Variants in TAFA5 observed in about 807,000 individuals in gnomAD.
TAFA5 encodes chemokine-like protein TAFA-5.
TAFA5 carries 6 observed loss-of-function variants against 15.3 expected under a neutral mutation model. That is an observed-to-expected ratio of 0.39 (90% CI 0.21 to 0.77). The LOEUF (loss-of-function observed/expected upper bound fraction) is 0.77, where lower values mean the gene tolerates loss of function less well. Ranked by LOEUF, TAFA5 falls within the 30% of genes least tolerant of loss-of-function variation. TAFA5 has a pLI of 0.41. For synonymous variants in TAFA5, 103 were observed against 80.7 expected (o/e 1.28, Z -1.48); for missense variants, 161 against 193.1 (o/e 0.83, Z 0.98).
At chr22:48,708,787 C>T (rs1389259822) in intron 3 of TAFA5, among the ~76,000 whole-genome samples, 3 of 152,208 alleles carry the variant, frequency 2.0e-5, no homozygotes, top group South Asian at 4.1e-4. Flanking sequence ...CCCTGGCATC[C>T]GAGCCTCCTC....
intron 1 of TAFA5, among the ~76,000 whole-genome samples, chr22:48,612,612 C>T (rs567989639): frequency 6.6e-6 from 1 of 152,062 alleles, no homozygotes; most frequent in Non-Finnish European, 1.5e-5. Context: ...CTGTTCCCCA[C>T]GTGTCTCCCG....
intron 2 of TAFA5, among the ~76,000 whole-genome samples, chr22:48,663,989 C>G: frequency 6.6e-6 from 1 of 152,146 alleles, no homozygotes; most frequent in East Asian, 1.9e-4. Flanking sequence ...GGAAAAAAAT[C>G]ACATGCTGAG....
At chr22:48,635,367 C>T (rs1196218247) in intron 1 of TAFA5, among the ~76,000 whole-genome samples, 1 of 152,032 alleles carries the variant, frequency 6.6e-6, no homozygotes. Context: ...CTAGGGCTTC[C>T]CAGTCTTCTT....
intron 1 of TAFA5, among the ~76,000 whole-genome samples, chr22:48,580,411 C>T (rs550811438): frequency 7.9e-5 from 12 of 152,328 alleles, no homozygotes; most frequent in African/African-American, 2.9e-4. Flanking sequence ...GGATAGAGAA[C>T]TTCTTAGGAG....
In TAFA5 at chr22:48,490,152, G is replaced by A. The variant is rs933385638; in HGVS notation, c.112+448G>A. Among the ~76,000 whole-genome samples the A allele has an allele frequency of 6.6e-6, 1 of 152,144 alleles. No homozygotes were observed. The highest frequency in any genetic ancestry group is 2.1e-4 in the South Asian group (1 of 4,836). On this transcript the variant is annotated intron_variant, in intron 1 of 3. Coordinates refer to ENST00000402357, the MANE Select transcript of TAFA5 (RefSeq NM_001082967.3). The surrounding 1 kb of genome is among the most constrained non-coding windows in gnomAD (Gnocchi z 5.8). ...AAGGGGGGAGGCGGCGGCCGAGCCC[G>A]GAGAGGAGCTCTTCAGGCAGGAGCC...
chr22:48,580,567 C>T (rs1208552680), intron 1 of TAFA5, among the ~76,000 whole-genome samples: 1 of 152,170 alleles, frequency 6.6e-6, no homozygotes, highest in Non-Finnish European at 1.5e-5. Context: ...TGAGGTTTCC[C>T]AGAGCAGCAA....
chr22:48,639,769 A>T (rs976645843), intron 1 of TAFA5, among the ~76,000 whole-genome samples: 2 of 152,058 alleles, frequency 1.3e-5, no homozygotes, highest in African/African-American at 4.8e-5. Flanking sequence ...GAGTGGCTGG[A>T]CTTGGACCTG....
At chr22:48,640,453 T>A (rs1461393998) in intron 1 of TAFA5, among the ~76,000 whole-genome samples, 2 of 152,140 alleles carry the variant, frequency 1.3e-5, no homozygotes, top group Non-Finnish European at 2.9e-5. Context: ...GGCTGGCTTA[T>A]CTCAGCTGTC....
At chr22:48,562,590 G>C (rs564807484) in intron 1 of TAFA5, among the ~76,000 whole-genome samples, 2 of 152,276 alleles carry the variant, frequency 1.3e-5, no homozygotes, top group African/African-American at 4.8e-5. Flanking sequence ...GAGGGAGGGG[G>C]GGAATTTAGC....
intron 2 of TAFA5, among the ~76,000 whole-genome samples, chr22:48,671,291 G>A (rs1044371260): frequency 2.6e-5 from 4 of 152,218 alleles, no homozygotes; most frequent in Non-Finnish European, 2.9e-5. Context: ...AGGGAGCACC[G>A]AACGGAGCCA....
chr22:48,660,729 T>C (rs1033010689), intron 2 of TAFA5, among the ~76,000 whole-genome samples: 5 of 152,180 alleles, frequency 3.3e-5, no homozygotes, highest in Non-Finnish European at 5.9e-5. Context: ...TTACCAGCTG[T>C]GCAACGACAC....
rs1158346420 is a variant in TAFA5, at chr22:48,566,920, G to A, written c.112+77216G>A. On this transcript the variant is annotated intron_variant, in intron 1 of 3. Coordinates refer to ENST00000402357, the MANE Select transcript of TAFA5 (RefSeq NM_001082967.3). This position sits in a 1 kb window ranked among gnomAD's most constrained non-coding sequence, Gnocchi z 4.5. The stretch of plus-strand genomic sequence containing the variant: ...ACGCCTGGGGCCGTCAGTGGGTTGG[G>A]TTTGTCCTTTCTCCTTTGCTCCGCA... Among the ~76,000 whole-genome samples the A allele has an allele frequency of 6.6e-6, 1 of 152,198 alleles. No homozygotes were observed. Among genetic ancestry groups the A allele is most frequent in the Non-Finnish European group, 1.5e-5 (1 of 68,030 alleles).
At chr22:48,533,411 T>A (rs978682535) in intron 1 of TAFA5, among the ~76,000 whole-genome samples, 3 of 152,192 alleles carry the variant, frequency 2.0e-5, no homozygotes, top group Non-Finnish European at 4.4e-5. Flanking sequence ...GGGTGAGGAC[T>A]CCAGGGCAGG....
intron 2 of TAFA5, chr22:48,693,149 C>G (rs907172800): frequency 2.6e-6 from 2 of 767,714 alleles, no homozygotes; most frequent in African/African-American, 1.8e-5. Context: ...GACCTCGAGT[C>G]GAAGCCTCTG....
chr22:48,515,477 G>C (rs1921371949), intron 1 of TAFA5, among the ~76,000 whole-genome samples: 1 of 152,078 alleles, frequency 6.6e-6, no homozygotes, highest in Non-Finnish European at 1.5e-5. Flanking sequence ...CTTGACCTCA[G>C]ACCACAGGGA....
At chr22:48,670,761 A>G (rs1327258179) in intron 2 of TAFA5, among the ~76,000 whole-genome samples, 1 of 152,218 alleles carries the variant, frequency 6.6e-6, no homozygotes, top group Non-Finnish European at 1.5e-5. Context: ...AAGGCGAGAA[A>G]GCACCTCCTC....
chr22:48,553,705 C>A (rs949943553), intron 1 of TAFA5, among the ~76,000 whole-genome samples: 5 of 152,208 alleles, frequency 3.3e-5, no homozygotes, highest in Non-Finnish European at 5.9e-5. Context: ...CCGTCTGCCT[C>A]CCACGGCTCT....
chr22:48,641,658 G>T (rs1228567251), intron 1 of TAFA5, among the ~76,000 whole-genome samples: 2 of 129,518 alleles, frequency 1.5e-5, no homozygotes, highest in Non-Finnish European at 3.2e-5. Flanking sequence ...CCTCACACAC[G>T]ATGCCGTCCC....
At position 48,610,130 on chromosome 22, in the gene TAFA5, AC is replaced by A. The variant is rs367659676; in HGVS notation, c.113-36465del. Reference sequence around the variant, plus strand: ...TGGCTTTGGATGGAGCCCCAAGAGAACCTAAGGTCGGCTCAGCAGGGTCTGA... The same window carrying A: ...TGGCTTTGGATGGAGCCCCAAGAGAACTAAGGTCGGCTCAGCAGGGTCTGA... On this transcript the variant is annotated intron_variant, in intron 1 of 3. Coordinates refer to ENST00000402357, the MANE Select transcript of TAFA5 (RefSeq NM_001082967.3). Among the ~76,000 whole-genome samples, 783 of 152,242 alleles carry A rather than the reference AC, an allele frequency of 5.1e-3. 6 individuals carry two copies. Among genetic ancestry groups the A allele is most frequent in the African/African-American group, 0.018 (756 of 41,548 alleles).
Sources: allele counts gnomAD v4.1 joint callset (sites outside exome capture counted in the v4.1 genomes callset), GRCh38; gene constraint gnomAD v4.1.1; non-coding constraint Gnocchi (gnomAD v3.1); transcripts MANE v1.5; gene names NCBI Gene and HGNC (gene_info 2026-07-23, HGNC 2026-07-21).